Variants in KCNIP3 observed in about 807,000 individuals in gnomAD.
KCNIP3 encodes potassium voltage-gated channel interacting protein 3, also known as calsenilin.
A neutral mutation model predicts 35.0 loss-of-function variants in KCNIP3; 28 were observed. That is an observed-to-expected ratio of 0.80 (90% CI 0.59 to 1.10). The LOEUF is 1.10. Ranked by LOEUF, KCNIP3 falls within the 50% of genes least tolerant of loss-of-function variation. The pLI is 0.00. For missense variants in KCNIP3, 295 were observed against 338.4 expected, an observed-to-expected ratio of 0.87 and a Z score of 1.01; for synonymous variants, 134 against 133.8, an observed-to-expected ratio of 1.00 and a Z score of -0.01.
At chr2:95,310,664 C>G in intron 2 of KCNIP3, 144 bp downstream of exon 2, 3 of 840,048 alleles carry the variant, frequency 3.6e-6, no homozygotes, top group Non-Finnish European at 5.8e-6. Flanking sequence ...TGTTTTCATT[C>G]ATTCACACCC....
intron 2 of KCNIP3, among the ~76,000 whole-genome samples, chr2:95,356,193 G>A (rs1236230283): frequency 6.6e-6 from 1 of 151,936 alleles, no homozygotes; most frequent in South Asian, 2.1e-4. Context: ...TGATGGGGTT[G>A]TTTGTTTTTT....
At chr2:95,324,705 G>A (rs1000561715) in intron 2 of KCNIP3, among the ~76,000 whole-genome samples, 1 of 152,124 alleles carries the variant, frequency 6.6e-6, no homozygotes, top group East Asian at 1.9e-4. Flanking sequence ...AAGGTCAGGA[G>A]TTCGAGACCA....
At chr2:95,352,070 C>T (rs1679539617) in intron 2 of KCNIP3, among the ~76,000 whole-genome samples, 1 of 152,130 alleles carries the variant, frequency 6.6e-6, no homozygotes, top group South Asian at 2.1e-4. Flanking sequence ...CAAGACCAGC[C>T]TGGCCAACAT....
chr2:95,378,582 A>C lies in KCNIP3; in HGVS notation c.448-3014A>C, dbSNP rs1226020194. On this transcript the variant is annotated intron_variant, in intron 5 of 8. Coordinates refer to ENST00000295225, the MANE Select transcript of KCNIP3 (RefSeq NM_013434.5). The surrounding 1 kb of genome is among the most constrained non-coding windows in gnomAD (Gnocchi z 4.0). Reference sequence around the variant, plus strand: ...AAACCCCGTCTCTACTAAAAATACAAAAAAAAAAAAAAAATTAGCTGGGCA... The same window carrying C: ...AAACCCCGTCTCTACTAAAAATACACAAAAAAAAAAAAAATTAGCTGGGCA... Among the ~76,000 whole-genome samples, 5 of 121,306 alleles carry C rather than the reference A, an allele frequency of 4.1e-5. No homozygotes were observed. The highest frequency in any genetic ancestry group is 2.1e-4 in the East Asian group (1 of 4,858). The allele number at this position is 121,306 out of a possible 152,430, so 79.6% of individuals were successfully genotyped here.
At chr2:95,300,251 GA>G (rs1677989150) in intron 1 of KCNIP3, among the ~76,000 whole-genome samples, 1 of 152,236 alleles carries the variant, frequency 6.6e-6, no homozygotes, top group Non-Finnish European at 1.5e-5. Context: ...ACGTGACCTG[GA>G]GCTAGCTGCC....
intron 2 of KCNIP3, among the ~76,000 whole-genome samples, chr2:95,336,729 T>G (rs1258706249): frequency 6.6e-6 from 1 of 152,250 alleles, no homozygotes; most frequent in Non-Finnish European, 1.5e-5. Flanking sequence ...TGTCAAAGTT[T>G]GCTTTTAGCC....
intron 2 of KCNIP3, among the ~76,000 whole-genome samples, chr2:95,329,686 C>G (rs1181628017): frequency 3.3e-5 from 5 of 152,318 alleles, no homozygotes; most frequent in East Asian, 1.9e-4. Context: ...TCTGGCTGGC[C>G]TGACGGGGGT....
chr2:95,375,490 G>T (rs948708234), intron 5 of KCNIP3, among the ~76,000 whole-genome samples: 1 of 152,130 alleles, frequency 6.6e-6, no homozygotes, highest in Non-Finnish European at 1.5e-5. Context: ...ACACACGGGT[G>T]GTAGTGACCC....
chr2:95,297,569 T>G, intron 1 of KCNIP3, 116 bp downstream of exon 1: 1 of 824,812 alleles, frequency 1.2e-6, no homozygotes, highest in Non-Finnish European at 1.9e-6. Context: ...TCCCCTCTTG[T>G]TCCACTTTCC....
At chr2:95,302,461 C>T (rs1191702974) in intron 1 of KCNIP3, among the ~76,000 whole-genome samples, 2 of 152,198 alleles carry the variant, frequency 1.3e-5, no homozygotes, top group African/African-American at 4.8e-5. Flanking sequence ...ATGGTGAGAG[C>T]CTCCCCACGT....
intron 1 of KCNIP3, among the ~76,000 whole-genome samples, chr2:95,309,952 G>A (rs527567983): frequency 1.3e-5 from 2 of 152,358 alleles, no homozygotes; most frequent in South Asian, 4.1e-4. Context: ...ACGTGGCTGT[G>A]TGACCCTGTA....
At chr2:95,297,914 T>G (rs890201476) in intron 1 of KCNIP3, among the ~76,000 whole-genome samples, 1 of 151,820 alleles carries the variant, frequency 6.6e-6, no homozygotes, top group Non-Finnish European at 1.5e-5. Flanking sequence ...TGCTTGGAGG[T>G]TGGTCAATGA....
chr2:95,339,001 G>A (rs1239775730), intron 2 of KCNIP3, among the ~76,000 whole-genome samples: 6 of 152,208 alleles, frequency 3.9e-5, no homozygotes, highest in African/African-American at 7.2e-5. Flanking sequence ...TGTACAGGCC[G>A]ATGGGACACA....
At chr2:95,348,001 C>T (rs73957761) in intron 2 of KCNIP3, among the ~76,000 whole-genome samples, 1 of 152,354 alleles carries the variant, frequency 6.6e-6, no homozygotes, top group African/African-American at 2.4e-5. Flanking sequence ...GCCCCAAGTT[C>T]CTGCGAAGGG....
chr2:95,327,026 C>G (rs1180088820), intron 2 of KCNIP3, among the ~76,000 whole-genome samples: 3 of 152,206 alleles, frequency 2.0e-5, no homozygotes, highest in Non-Finnish European at 2.9e-5. Flanking sequence ...TGCCGGCTGC[C>G]CAGTCAGATT....
chr2:95,305,044 A>T (rs1210629050), intron 1 of KCNIP3, among the ~76,000 whole-genome samples: 1 of 152,176 alleles, frequency 6.6e-6, no homozygotes, highest in Admixed American at 6.5e-5. Context: ...CACACTGCCA[A>T]GTATGCCACC....
intron 2 of KCNIP3, among the ~76,000 whole-genome samples, chr2:95,372,565 C>T (rs568298591): frequency 2.6e-5 from 4 of 152,262 alleles, no homozygotes; most frequent in East Asian, 1.9e-4. Flanking sequence ...TGGCTGGCAC[C>T]GCTTGCCTGA....
At position 95,374,848 on chromosome 2, in the gene KCNIP3, G is replaced by T; in HGVS notation, c.307G>T (p.Glu103Ter). Residue 103 changes from glutamate (E) to a stop codon, truncating the protein, a stop_gained and splice_region_variant, in exon 4 of 9, where the codon GAG becomes TAG. Transcript: ENST00000295225. LOFTEE classifies it high-confidence loss of function. ...CTGAGGGGGTGCCTTCCTGCTGCAG[G>T]AGTGTCCCACGGGCCTGGTGGACGA... ...LQSLYRGFKN[E>*]CPTGLVDEDT... 1 of 1,613,648 alleles carries T rather than the reference G, an allele frequency of 6.2e-7. No homozygotes were observed. The highest frequency in any genetic ancestry group is 8.5e-7 in the Non-Finnish European group (1 of 1,179,972).
chr2:95,383,714 C>A (rs1014717357), intron 8 of KCNIP3, among the ~76,000 whole-genome samples: 1 of 152,256 alleles, frequency 6.6e-6, no homozygotes, highest in Non-Finnish European at 1.5e-5. Context: ...ACTCCCAGAG[C>A]AGTCCTGGTT....
Sources: allele counts gnomAD v4.1 joint callset (sites outside exome capture counted in the v4.1 genomes callset), GRCh38; gene constraint gnomAD v4.1.1; non-coding constraint Gnocchi (gnomAD v3.1); transcripts MANE v1.5; gene names NCBI Gene and HGNC (gene_info 2026-07-23, HGNC 2026-07-21).